The following WDR72 variants were observed in gnomAD, a reference collection of about 807,000 sequenced individuals.
The protein encoded by WDR72 is WD repeat-containing protein 72.
Under a neutral mutation model 124.2 loss-of-function variants are expected in WDR72, and 120 were observed. The ratio of observed to expected loss-of-function variants is 0.97; its 90% CI spans 0.83 to 1.12. The LOEUF is 1.12. Ranked by LOEUF, WDR72 falls within the 50% of genes most tolerant of loss-of-function variation. The pLI is 0.00. For synonymous variants in WDR72, 452 were observed against 441.7 expected, an observed-to-expected ratio of 1.02 and a Z score of -0.29; for missense variants, 1,387 against 1,278.8, an observed-to-expected ratio of 1.08 and a Z score of -1.29.
chr15:53,696,963 T>A (rs540932083), intron 13 of WDR72, among the ~76,000 whole-genome samples: 4 of 152,312 alleles, frequency 2.6e-5, no homozygotes, highest in African/African-American at 9.6e-5. Flanking sequence ...AAGAGGCACG[T>A]CACAAATGTG....
At chr15:53,592,250 C>G (rs1383555309) in intron 18 of WDR72, among the ~76,000 whole-genome samples, 1 of 152,006 alleles carries the variant, frequency 6.6e-6, no homozygotes, top group Non-Finnish European at 1.5e-5. Context: ...ACAGGCCTTT[C>G]CTAAGTGACT....
chr15:53,712,098 G>A (rs1314264469), intron 7 of WDR72, among the ~76,000 whole-genome samples: 7 of 152,084 alleles, frequency 4.6e-5, no homozygotes, highest in Non-Finnish European at 5.9e-5. Flanking sequence ...AAACTATGTA[G>A]GTGAAAAGTA....
At chr15:53,586,521 T>A (rs1379957586) in intron 18 of WDR72, among the ~76,000 whole-genome samples, 1 of 152,108 alleles carries the variant, frequency 6.6e-6, no homozygotes, top group African/African-American at 2.4e-5. Flanking sequence ...TCCATCTAAT[T>A]TTAAAATTCT....
At chr15:53,750,927 T>C (rs955504273) in intron 1 of WDR72, among the ~76,000 whole-genome samples, 1 of 152,160 alleles carries the variant, frequency 6.6e-6, no homozygotes, top group Non-Finnish European at 1.5e-5. Flanking sequence ...GAAAGTGGTT[T>C]CTTGAGATGG....
In WDR72 at chr15:53,616,209, T is replaced by C. The variant is rs1466776666; in HGVS notation, c.1997A>G (p.Asn666Ser). The change falls in exon 15 of 20, where the codon AAT (asparagine) becomes AGT (serine). Residue 666 changes from asparagine to serine, a missense_variant. Physicochemically the swap from Asn to Ser is conservative, Grantham distance 46. Coordinates refer to ENST00000360509, the MANE Select transcript of WDR72 (RefSeq NM_182758.4). ...CCATTTTGTCTTCACAGGCAAGACA[T>C]TAAAAGGTCTTGGGCAAAATTTGGC... ...TDAKFCPRPF[N>S]VLPVKTKWSN... 6.2e-7 allele frequency: 1 copy of C among 1,603,760 alleles called. No individual in the cohort carries two copies.
intron 1 of WDR72, among the ~76,000 whole-genome samples, chr15:53,751,240 T>TAA (rs34813862): frequency 4.9e-5 from 7 of 143,104 alleles, no homozygotes; most frequent in East Asian, 2.0e-4. Context: ...GAGACTACTT[T>TAA]AAAAAAAAAA....
At chr15:53,565,119 C>T (rs1255692634) in intron 18 of WDR72, among the ~76,000 whole-genome samples, 2 of 151,914 alleles carry the variant, frequency 1.3e-5, no homozygotes, top group South Asian at 2.1e-4. Context: ...ATAAAAATTT[C>T]ATGAGCATAT....
intron 3 of WDR72, among the ~76,000 whole-genome samples, chr15:53,720,122 C>T (rs1427123807): frequency 6.6e-6 from 1 of 151,874 alleles, no homozygotes; most frequent in Non-Finnish European, 1.5e-5. Context: ...AAATTGTTTT[C>T]TTTGAATTAA....
chr15:53,736,051 A>T (rs887390373), intron 1 of WDR72, among the ~76,000 whole-genome samples: 1 of 150,530 alleles, frequency 6.6e-6, no homozygotes, highest in Non-Finnish European at 1.5e-5. Context: ...AGAAGTCATT[A>T]AAAAAAAATG....
At chr15:53,706,366 A>G (rs1201283460) in intron 9 of WDR72, among the ~76,000 whole-genome samples, 24 of 49,402 alleles carry the variant, frequency 4.9e-4, no homozygotes, top group African/African-American at 1.4e-3. Context: ...ATATATATAT[A>G]TATATATATA....
chr15:53,719,698 T>C (rs1319281477), intron 3 of WDR72, among the ~76,000 whole-genome samples: 7 of 152,212 alleles, frequency 4.6e-5, no homozygotes, highest in Non-Finnish European at 4.4e-5. Flanking sequence ...AGTACCCGCA[T>C]AGTCTAGGAA....
At chr15:53,685,437 G>C (rs1433512502) in intron 13 of WDR72, among the ~76,000 whole-genome samples, 3 of 134,028 alleles carry the variant, frequency 2.2e-5, no homozygotes, top group Non-Finnish European at 1.6e-5. Context: ...GAGCCGACGC[G>C]ATCAACTGGA....
At chr15:53,546,811 A>G (rs1893492646) in intron 18 of WDR72, among the ~76,000 whole-genome samples, 1 of 152,152 alleles carries the variant, frequency 6.6e-6, no homozygotes, top group African/African-American at 2.4e-5. Flanking sequence ...GGGGAAGGAA[A>G]ATGACTATCA....
Position 53,716,632 on chromosome 15 carries a change from A to G in WDR72, c.314T>C (p.Leu105Pro). ...TNGQCMEKAT[L>P]PYRHTAICYY... ...ACAGATTGCAGTGTGCCTGTAAGGA[A>G]GTGTAGCCTTCTCCATGCACTGTCC... The change falls in exon 4 of 20, where the codon CTT (leucine) becomes CCT (proline). Residue 105 changes from leucine to proline, a missense_variant. Transcript: ENST00000360509. 5.6e-6 allele frequency: 9 copies of G among 1,609,640 alleles called. No homozygotes were observed. The highest frequency in any genetic ancestry group is 7.7e-6 in the Non-Finnish European group (9 of 1,175,926).
At chr15:53,753,028 G>A (rs1047337288) in intron 1 of WDR72, among the ~76,000 whole-genome samples, 1 of 152,152 alleles carries the variant, frequency 6.6e-6, no homozygotes, top group Non-Finnish European at 1.5e-5. Context: ...AAGTAGGTTG[G>A]TAGAAGCATT....
intron 14 of WDR72, among the ~76,000 whole-genome samples, chr15:53,643,365 G>T (rs900995569): frequency 2.6e-5 from 4 of 152,010 alleles, no homozygotes; most frequent in Non-Finnish European, 4.4e-5. Context: ...TTTTATTAAG[G>T]AAGTTAAACC....
chr15:53,704,976 A>C lies in WDR72; in HGVS notation c.1348+12T>G, dbSNP rs1332212161. On this transcript the variant is annotated intron_variant, in intron 11 of 19. Transcript: ENST00000360509. ...TAAATCAAATAAATAGGGTCAAATAAAATTCAAGGACCTTTTACTAAAGAA... is the reference window on the plus strand; with the variant it reads ...TAAATCAAATAAATAGGGTCAAATACAATTCAAGGACCTTTTACTAAAGAA... The C allele has an allele frequency of 6.2e-7, 1 of 1,613,474 alleles. No homozygotes were observed. Among genetic ancestry groups the C allele is most frequent in the East Asian group, 2.2e-5 (1 of 44,852 alleles).
intron 1 of WDR72, among the ~76,000 whole-genome samples, chr15:53,739,778 C>G (rs944113962): frequency 6.6e-6 from 1 of 152,152 alleles, no homozygotes; most frequent in Non-Finnish European, 1.5e-5. Context: ...CTAACGTGTG[C>G]TTAGCTAAGA....
chr15:53,626,844 T>C (rs983418849), intron 14 of WDR72, among the ~76,000 whole-genome samples: 6 of 152,214 alleles, frequency 3.9e-5, no homozygotes, highest in Non-Finnish European at 8.8e-5. Flanking sequence ...GAAATCCAGC[T>C]AGTCCCATCT....
Sources: allele counts gnomAD v4.1 joint callset (sites outside exome capture counted in the v4.1 genomes callset), GRCh38; gene constraint gnomAD v4.1.1; transcripts MANE v1.5; gene names NCBI Gene and HGNC (gene_info 2026-07-23, HGNC 2026-07-21).